CDH12: variants seen among roughly 807,000 people sequenced by gnomAD.
The protein encoded by CDH12 is cadherin-12.
CDH12 carries 41 observed loss-of-function variants against 74.1 expected under a neutral mutation model. The observed-to-expected ratio is 0.55, with a 90% CI of 0.43 to 0.72. The LOEUF (loss-of-function observed/expected upper bound fraction) is 0.72, where lower values mean the gene tolerates loss of function less well. Ranked by LOEUF, CDH12 falls within the 30% of genes least tolerant of loss-of-function variation. CDH12 has a pLI of 0.00. For missense variants in CDH12, 945 were observed against 977.2 expected (o/e 0.97, Z 0.44); for synonymous variants, 399 against 355.0 (o/e 1.12, Z -1.39).
chr5:22,356,149 T>C (rs1012986116), intron 3 of CDH12, among the ~76,000 whole-genome samples: 1 of 152,156 alleles, frequency 6.6e-6, no homozygotes, highest in African/African-American at 2.4e-5. Flanking sequence ...AATGCATTCA[T>C]TTTAAGCTCT....
intron 2 of CDH12, among the ~76,000 whole-genome samples, chr5:22,450,877 CT>C (rs545463039): frequency 0.031 from 3,960 of 129,208 alleles, 111 homozygotes; most frequent in African/African-American, 0.086. Flanking sequence ...TAATAAGCCA[CT>C]TTTTTTTTTT....
At chr5:22,773,379 A>G (rs1746916260) in intron 1 of CDH12, among the ~76,000 whole-genome samples, 1 of 152,146 alleles carries the variant, frequency 6.6e-6, no homozygotes. Context: ...TCTTCAAAAA[A>G]GTTGTCAAAA....
chr5:22,173,294 TATATA>T (rs936243123), intron 4 of CDH12, among the ~76,000 whole-genome samples: 92 of 146,808 alleles, frequency 6.3e-4, no homozygotes, highest in African/African-American at 2.0e-3. Context: ...TTTATGTAAT[TATATA>T]ATATAATTTA....
chr5:22,122,823 T>C (rs1284338805), intron 4 of CDH12, among the ~76,000 whole-genome samples: 1 of 152,230 alleles, frequency 6.6e-6, no homozygotes, highest in Non-Finnish European at 1.5e-5. Context: ...GATATTGAAT[T>C]ATTTCCTGCC....
At chr5:21,979,345 C>T (rs1454210187) in intron 5 of CDH12, among the ~76,000 whole-genome samples, 2 of 152,076 alleles carry the variant, frequency 1.3e-5, no homozygotes, top group South Asian at 2.1e-4. Flanking sequence ...AGGCACTGTC[C>T]AGGCAGTTGT....
intron 1 of CDH12, among the ~76,000 whole-genome samples, chr5:22,757,029 C>T (rs1393880787): frequency 6.6e-6 from 1 of 151,988 alleles, no homozygotes; most frequent in African/African-American, 2.4e-5. Flanking sequence ...TTTCTAATAT[C>T]TACCCTCTAC....
intron 5 of CDH12, among the ~76,000 whole-genome samples, chr5:21,981,709 T>C (rs2150127734): frequency 6.6e-6 from 1 of 152,292 alleles, no homozygotes; most frequent in Middle Eastern, 3.4e-3. Context: ...TTTTAAAGGG[T>C]CTTGTTCTGT....
Position 21,752,248 on chromosome 5 carries a change from C to T in CDH12, c.1886-12G>A, listed in dbSNP as rs1744136744. On this transcript the variant is annotated splice_polypyrimidine_tract_variant and intron_variant, in intron 14 of 14. Transcript: ENST00000382254. ...CAGTACAACTATGGCTGGAACAAGACAAAAATTGCAATTTGAGAATAGAAA... is the reference window on the plus strand; with the variant it reads ...CAGTACAACTATGGCTGGAACAAGATAAAAATTGCAATTTGAGAATAGAAA... 4 of 1,560,388 alleles carry T rather than the reference C, an allele frequency of 2.6e-6. No homozygotes were observed. Among genetic ancestry groups the T allele is most frequent in the Non-Finnish European group, 3.5e-6 (4 of 1,154,618 alleles).
intron 4 of CDH12, among the ~76,000 whole-genome samples, chr5:22,130,120 A>C (rs1434076139): frequency 6.7e-6 from 1 of 150,178 alleles, no homozygotes; most frequent in African/African-American, 2.5e-5. Context: ...TCACAAAAAT[A>C]CTCAAAATAA....
chr5:22,170,327 G>A (rs1396199736), intron 4 of CDH12, among the ~76,000 whole-genome samples: 1 of 151,876 alleles, frequency 6.6e-6, no homozygotes, highest in Admixed American at 6.6e-5. Flanking sequence ...TGAGGGAATT[G>A]AATGTATTGA....
intron 11 of CDH12, among the ~76,000 whole-genome samples, chr5:21,778,073 C>A (rs1745692127): frequency 6.6e-6 from 1 of 152,116 alleles, no homozygotes; most frequent in South Asian, 2.1e-4. Context: ...ATTACTTGAG[C>A]AACATCTCCC....
intron 3 of CDH12, among the ~76,000 whole-genome samples, chr5:22,341,925 T>G (rs1268907699): frequency 6.6e-6 from 1 of 151,802 alleles, no homozygotes; most frequent in Non-Finnish European, 1.5e-5. Context: ...CAGTTTGGGC[T>G]ACTATAAAAA....
intron 7 of CDH12, 87 bp from the exon 8 acceptor site, chr5:21,842,415 C>A: frequency 3.2e-6 from 3 of 936,230 alleles, no homozygotes; most frequent in Non-Finnish European, 4.8e-6. Flanking sequence ...CAACATGATT[C>A]TACCTAGAAT....
intron 6 of CDH12, among the ~76,000 whole-genome samples, chr5:21,923,258 A>G (rs905692954): frequency 7.2e-5 from 11 of 152,160 alleles, no homozygotes; most frequent in Admixed American, 6.5e-4. Flanking sequence ...CAATGCAAAA[A>G]TCTTTTAAAA....
At chr5:21,827,390 T>C (rs7448400) in intron 8 of CDH12, among the ~76,000 whole-genome samples, 147,263 of 152,038 alleles carry the variant, frequency 0.97, 71,334 homozygotes, top group East Asian at 1. Flanking sequence ...ATGAAAACCT[T>C]TAAAAAAAAG....
chr5:22,168,159 A>G (rs1461191383), intron 4 of CDH12, among the ~76,000 whole-genome samples: 1 of 152,108 alleles, frequency 6.6e-6, no homozygotes, highest in African/African-American at 2.4e-5. Flanking sequence ...CTAGCTGAGC[A>G]TGCCTCCTAA....
At chr5:22,722,954 C>T (rs1323908254) in intron 1 of CDH12, among the ~76,000 whole-genome samples, 2 of 152,096 alleles carry the variant, frequency 1.3e-5, no homozygotes, top group Non-Finnish European at 2.9e-5. Context: ...TAAAATATCA[C>T]CCTAAATGAA....
intron 1 of CDH12, among the ~76,000 whole-genome samples, chr5:22,571,538 G>T (rs1739539916): frequency 6.6e-6 from 1 of 152,088 alleles, no homozygotes; most frequent in Non-Finnish European, 1.5e-5. Flanking sequence ...TGTTGGTCAG[G>T]CTGGTCTCGA....
intron 6 of CDH12, among the ~76,000 whole-genome samples, chr5:21,964,930 G>A (rs1002410887): frequency 2.0e-5 from 3 of 151,566 alleles, no homozygotes; most frequent in African/African-American, 7.3e-5. Flanking sequence ...TACATGACCT[G>A]GTAAAATTTA....
Sources: allele counts gnomAD v4.1 joint callset (sites outside exome capture counted in the v4.1 genomes callset), GRCh38; gene constraint gnomAD v4.1.1; transcripts MANE v1.5; gene names NCBI Gene and HGNC (gene_info 2026-07-23, HGNC 2026-07-21).